MCTP1: variants seen among roughly 807,000 people sequenced by gnomAD.
MCTP1 encodes the protein multiple C2 and transmembrane domain-containing protein 1.
Under a neutral mutation model 120.6 loss-of-function variants are expected in MCTP1, and 69 were observed. The ratio of observed to expected loss-of-function variants is 0.57; its 90% confidence interval spans 0.47 to 0.70. MCTP1 has a LOEUF of 0.70. Ranked by LOEUF, MCTP1 falls within the 30% of genes least tolerant of loss-of-function variation. MCTP1 has a pLI of 0.00. For synonymous variants in MCTP1, 529 were observed against 493.1 expected, an observed-to-expected ratio of 1.07 and a Z score of -0.96; for missense variants, 1,203 against 1,248.8, an observed-to-expected ratio of 0.96 and a Z score of 0.55.
intron 1 of MCTP1, among the ~76,000 whole-genome samples, chr5:95,160,663 G>A (rs182638744): frequency 1.1e-4 from 16 of 152,242 alleles, no homozygotes; most frequent in Admixed American, 5.9e-4. Context: ...ACAGAGTGAA[G>A]AGACAAACCA....
chr5:94,927,594 T>G (rs1813486439), intron 6 of MCTP1, among the ~76,000 whole-genome samples: 1 of 150,730 alleles, frequency 6.6e-6, no homozygotes, highest in Non-Finnish European at 1.5e-5. Context: ...AGGATATAAT[T>G]TTTTTGTGGA....
At chr5:94,954,112 G>GC (rs1355355911) in intron 2 of MCTP1, among the ~76,000 whole-genome samples, 33 of 84,004 alleles carry the variant, frequency 3.9e-4, no homozygotes, top group South Asian at 7.3e-4. Context: ...ACATATATAT[G>GC]AATATATATA....
At chr5:94,998,650 G>A (rs1244880292) in intron 2 of MCTP1, among the ~76,000 whole-genome samples, 1 of 152,196 alleles carries the variant, frequency 6.6e-6, no homozygotes, top group Non-Finnish European at 1.5e-5. Flanking sequence ...TTGCTGATAA[G>A]CAGCTAGAGA....
chr5:95,146,453 A>C (rs1760403945), intron 1 of MCTP1, among the ~76,000 whole-genome samples: 1 of 151,922 alleles, frequency 6.6e-6, no homozygotes, highest in African/African-American at 2.4e-5. Flanking sequence ...TTTCTCCTCT[A>C]CTTCCTGTAA....
At chr5:94,729,924 A>T (rs1762822051) in intron 19 of MCTP1, among the ~76,000 whole-genome samples, 1 of 152,242 alleles carries the variant, frequency 6.6e-6, no homozygotes, top group African/African-American at 2.4e-5. Flanking sequence ...GCTCTTACAC[A>T]GAATAATTTA....
intron 17 of MCTP1, among the ~76,000 whole-genome samples, chr5:94,812,884 A>C (rs1389117248): frequency 6.7e-6 from 1 of 148,860 alleles, no homozygotes; most frequent in Non-Finnish European, 1.5e-5. Context: ...CACAGACACA[A>C]CACCAAAAGC....
intron 1 of MCTP1, among the ~76,000 whole-genome samples, chr5:95,224,437 T>C (rs1470391235): frequency 6.6e-6 from 1 of 152,038 alleles, no homozygotes; most frequent in African/African-American, 2.4e-5. Context: ...ATCCAATTTC[T>C]CTGCATTTAA....
At chr5:95,231,782 G>A (rs1401540008) in intron 1 of MCTP1, among the ~76,000 whole-genome samples, 2 of 152,080 alleles carry the variant, frequency 1.3e-5, no homozygotes, top group African/African-American at 4.8e-5. Context: ...ATTTTCAACA[G>A]AGACATAAAT....
chr5:94,838,026 T>G (rs980645895), intron 17 of MCTP1, among the ~76,000 whole-genome samples: 3 of 152,192 alleles, frequency 2.0e-5, no homozygotes, highest in South Asian at 2.1e-4. Flanking sequence ...TCCCTTCCAT[T>G]TTTTGGAAAT....
chr5:94,771,614 T>C (rs868777864), intron 19 of MCTP1, among the ~76,000 whole-genome samples: 2 of 152,228 alleles, frequency 1.3e-5, no homozygotes, highest in Admixed American at 6.5e-5. Context: ...TGTTAGATAC[T>C]GTTTTCAGTT....
At chr5:94,921,064 T>C (rs1287944293) in intron 7 of MCTP1, among the ~76,000 whole-genome samples, 2 of 152,232 alleles carry the variant, frequency 1.3e-5, no homozygotes, top group African/African-American at 4.8e-5. Flanking sequence ...TATCAGGGTC[T>C]GTAAGTCCAC....
chr5:95,140,650 G>A (rs1272177598), intron 1 of MCTP1, among the ~76,000 whole-genome samples: 2 of 133,560 alleles, frequency 1.5e-5, no homozygotes, highest in African/African-American at 2.8e-5. Flanking sequence ...CGAGGCAGGA[G>A]ATCGAGACCA....
chr5:95,283,952 C>T lies in MCTP1; in HGVS notation c.624G>A (p.Glu208=). The T allele has an allele frequency of 7.1e-7, 1 of 1,415,024 alleles. No individual in the cohort carries two copies. The highest frequency in any genetic ancestry group is 9.2e-7 in the Non-Finnish European group (1 of 1,090,164). The allele number at this position is 1,415,024 out of a possible 1,614,324, so 87.7% of individuals were successfully genotyped here. ...GAGGAGGCGGCGGCTCCAGCAGCTG[C>T]TCCAGGCAGGCGGTGCCCGGCAGAG... is the stretch of plus-strand genomic sequence containing the variant. ...SSSLPGTACL[E]QLLEPPPPPA... is the part of the protein sequence containing the mutation. Residue 208 remains glutamate (E), a synonymous_variant, in exon 1 of 23, where the codon GAG becomes GAA. Transcript: ENST00000515393.
intron 17 of MCTP1, among the ~76,000 whole-genome samples, chr5:94,866,812 G>T (rs6861217): frequency 6.6e-6 from 1 of 151,036 alleles, no homozygotes; most frequent in Non-Finnish European, 1.5e-5. Flanking sequence ...TTCATTTTAC[G>T]CGAGTGACCT....
intron 12 of MCTP1, among the ~76,000 whole-genome samples, chr5:94,876,040 T>C (rs1798802046): frequency 6.6e-6 from 1 of 152,112 alleles, no homozygotes; most frequent in African/African-American, 2.4e-5. Context: ...ACCAAAATAC[T>C]AGTAAATGTA....
At chr5:95,139,104 A>G (rs1301752755) in intron 1 of MCTP1, among the ~76,000 whole-genome samples, 1 of 152,204 alleles carries the variant, frequency 6.6e-6, no homozygotes, top group Non-Finnish European at 1.5e-5. Context: ...TTAGTTTAAC[A>G]TCAGCTAAGA....
intron 19 of MCTP1, among the ~76,000 whole-genome samples, chr5:94,728,574 T>C (rs1762550890): frequency 1.3e-5 from 2 of 152,200 alleles, no homozygotes; most frequent in African/African-American, 4.8e-5. Context: ...TCTCAGATAC[T>C]TGGTTTTCTC....
At chr5:94,883,710 G>T (rs1448112556) in intron 12 of MCTP1, among the ~76,000 whole-genome samples, 3 of 152,140 alleles carry the variant, frequency 2.0e-5, no homozygotes, top group African/African-American at 7.2e-5. Context: ...TATTAAATAT[G>T]ATGATGACAA....
At chr5:94,803,481 C>T (rs1781614199) in intron 17 of MCTP1, among the ~76,000 whole-genome samples, 1 of 152,144 alleles carries the variant, frequency 6.6e-6, no homozygotes, top group South Asian at 2.1e-4. Context: ...GGGCAAGTTA[C>T]TAGATTTCTC....
Sources: gnomAD v4.1 joint callset for allele counts (sites outside exome capture counted in the v4.1 genomes callset) on GRCh38, gnomAD v4.1.1 for gene constraint, MANE v1.5 for transcripts, NCBI Gene and HGNC (gene_info 2026-07-23, HGNC 2026-07-21) for gene names.